DNAJB13: variants seen among roughly 807,000 people sequenced by gnomAD.
The protein encoded by DNAJB13 is dnaJ homolog subfamily B member 13.
DNAJB13 carries 22 observed loss-of-function variants against 35.6 expected under a neutral mutation model. The ratio of observed to expected loss-of-function variants is 0.62; its 90% CI spans 0.44 to 0.88. The LOEUF is 0.88. Ranked by LOEUF, DNAJB13 falls within the 40% of genes least tolerant of loss-of-function variation. DNAJB13 has a pLI of 0.00. For synonymous variants in DNAJB13, 136 were observed against 144.2 expected, an observed-to-expected ratio of 0.94 and a Z score of 0.41; for missense variants, 370 against 384.3, an observed-to-expected ratio of 0.96 and a Z score of 0.31.
At chr11:73,958,120 G>A (rs1470260835) in intron 1 of DNAJB13, among the ~76,000 whole-genome samples, 197 bp from the exon 2 acceptor site, 1 of 152,204 alleles carries the variant, frequency 6.6e-6, no homozygotes, top group South Asian at 2.1e-4. Context: ...GCAGCTGCTG[G>A]AACTGTCGGT....
intron 3 of DNAJB13, 70 bp from the exon 4 acceptor site, chr11:73,964,808 T>A (rs575517781): frequency 4.7e-5 from 34 of 726,580 alleles, no homozygotes; most frequent in African/African-American, 1.3e-4. Context: ...TGTGTGTGTG[T>A]GTGTGCGCGC....
At chr11:73,953,211 G>A (rs936770403) in intron 1 of DNAJB13, among the ~76,000 whole-genome samples, 5 of 152,148 alleles carry the variant, frequency 3.3e-5, no homozygotes, top group Non-Finnish European at 7.3e-5. Context: ...GGGCAACAGA[G>A]CAACACCTGT....
In DNAJB13 at chr11:73,959,630, C is replaced by A. The variant is rs1950868450; in HGVS notation, c.309C>A (p.Phe103Leu). Residue 103 changes from phenylalanine to leucine, a missense_variant, in exon 3 of 8, where the codon TTC becomes TTA. Coordinates refer to ENST00000339764, the MANE Select transcript of DNAJB13 (RefSeq NM_153614.4). The part of the protein sequence containing the change: ...HGKPEKVFHE[F>L]FGGNNPFSEF... ...AACCTGAAAAGGTGTTCCACGAGTT[C>A]TTTGGTGGAAACAACCCCTTCAGTG... 4.3e-6 allele frequency: 7 copies of A among 1,614,144 alleles called. No individual in the cohort carries two copies. Among genetic ancestry groups the A allele is most frequent in the Non-Finnish European group, 5.1e-6 (6 of 1,179,984 alleles).
rs566578156 is a variant in DNAJB13 at position 73,964,987 on chromosome 11, G to T, written c.444G>T (p.Leu148=). The stretch of plus-strand genomic sequence containing the variant: ...TCGAACGGGATCTCTACCTGTCCCT[G>T]GAGGACTTATTCTTTGGCTGCACCA... ...PQVERDLYLS[L]EDLFFGCTKK... is the part of the protein sequence containing the mutation. Residue 148 remains leucine (L), a synonymous_variant, in exon 4 of 8, where the codon CTG becomes CTT. Transcript: ENST00000339764. 5.1e-5 allele frequency: 82 copies of T among 1,608,798 alleles called. No individual in the cohort carries two copies. The South Asian group carries it at 5.4e-4, about 11-fold the overall frequency.
chr11:73,965,852 G>A (rs1565176814), intron 4 of DNAJB13: 2 of 395,334 alleles, frequency 5.1e-6, no homozygotes, highest in Non-Finnish European at 9.4e-6. Flanking sequence ...GTGACTGCTT[G>A]GCATCTCAGC....
At chr11:73,968,653 C>T (rs1228793548) in intron 6 of DNAJB13, among the ~76,000 whole-genome samples, 195 bp downstream of exon 6, 1 of 152,204 alleles carries the variant, frequency 6.6e-6, no homozygotes, top group African/African-American at 2.4e-5. Context: ...CAGATCTGCG[C>T]AGCAGGCCTT....
At chr11:73,961,430 A>C (rs1950929003) in intron 3 of DNAJB13, among the ~76,000 whole-genome samples, 1 of 152,168 alleles carries the variant, frequency 6.6e-6, no homozygotes, top group African/African-American at 2.4e-5. Flanking sequence ...ACAAAGAAGG[A>C]ATCAGGAAAT....
At position 73,970,209 on chromosome 11, in the gene DNAJB13, C is replaced by A. The variant is rs1193936182; in HGVS notation, c.*95C>A. ...TCAGGGTGTGCAGGGGAGCCTGCTG[C>A]ACAGATATGATACAAGGGTGGGATG... On this transcript the variant is annotated 3_prime_UTR_variant, in exon 8 of 8. Transcript: ENST00000339764. 2.8e-6 allele frequency: 4 copies of A among 1,448,608 alleles called. No homozygotes were observed. In the Admixed American group the frequency reaches 9.5e-5, roughly 34 times the overall value. The allele number at this position is 1,448,608 out of a possible 1,614,324, so 89.7% of individuals were successfully genotyped here. A position where few individuals can be genotyped will look rare whatever the true frequency, so the allele number is the denominator to read the frequency against.
At chr11:73,968,152 G>GA in intron 5 of DNAJB13, 193 bp from the exon 6 acceptor site, 1 of 605,956 alleles carries the variant, frequency 1.7e-6, no homozygotes, top group Non-Finnish European at 3.0e-6. Flanking sequence ...ATTCTGGGGG[G>GA]ATTCATTTGG....
intron 4 of DNAJB13, chr11:73,965,639 C>G (rs1465073493): frequency 6.1e-6 from 1 of 164,910 alleles, no homozygotes; most frequent in Non-Finnish European, 1.3e-5. Context: ...TCTGGACATG[C>G]GACTGGGGAG....
intron 5 of DNAJB13, among the ~76,000 whole-genome samples, chr11:73,966,696 T>C (rs1951126298): frequency 6.6e-6 from 1 of 151,884 alleles, no homozygotes; most frequent in South Asian, 2.1e-4. Flanking sequence ...TTATTTTTAT[T>C]TTGAGATGGA....
At position 73,962,459 on chromosome 11, in the gene DNAJB13, G is replaced by A. The variant is rs543314387; in HGVS notation, c.335-2419G>A. ...TGGCTGGGTAAATGAATGGATGGCT[G>A]GGTAGGCGGATGGATGGCTGGGTAG... On this transcript the variant is annotated intron_variant, in intron 3 of 7. Coordinates refer to ENST00000339764, the MANE Select transcript of DNAJB13 (RefSeq NM_153614.4). Among the ~76,000 whole-genome samples the A allele has an allele frequency of 3.8e-3, 562 of 147,530 alleles. 4 individuals are homozygous for A. Among genetic ancestry groups the A allele is most frequent in the African/African-American group, 0.014 (538 of 37,536 alleles).
intron 1 of DNAJB13, among the ~76,000 whole-genome samples, chr11:73,957,120 C>T (rs1020016830): frequency 1.3e-5 from 2 of 152,216 alleles, no homozygotes; most frequent in Non-Finnish European, 2.9e-5. Flanking sequence ...ACTCCCCACC[C>T]TTCCTGCCCT....
Position 73,952,336 on chromosome 11 carries a change from C to A in DNAJB13, c.68+1199C>A, listed in dbSNP as rs1348768494. Among the ~76,000 whole-genome samples the A allele has an allele frequency of 3.9e-5, 6 of 152,196 alleles. No individual in the cohort carries two copies. In the East Asian group the frequency reaches 1.2e-3, roughly 29 times the overall value. On this transcript the variant is annotated intron_variant, in intron 1 of 7. Transcript: ENST00000339764. The stretch of plus-strand genomic sequence containing the variant: ...CTCAATCAATTAAGTTAGGCAGTGA[C>A]AATAGGTGTATGTTTTGAGTGTGTA...
intron 1 of DNAJB13, among the ~76,000 whole-genome samples, chr11:73,951,995 G>A (rs568662428): frequency 6.6e-6 from 1 of 152,260 alleles, no homozygotes; most frequent in South Asian, 2.1e-4. Flanking sequence ...TCTACCACAA[G>A]GGTTGAGAGG....
rs1565178905 is a variant in DNAJB13, at chr11:73,968,332, G to GT, written c.607-12dup. ...CAACTAGTCCTTGTCACCTTTTGGC[G>GT]TCCCCTGCCCAGGGCCCCAACATCA... On this transcript the variant is annotated splice_polypyrimidine_tract_variant and intron_variant, in intron 5 of 7. Coordinates refer to ENST00000339764, the MANE Select transcript of DNAJB13 (RefSeq NM_153614.4). 5.0e-6 allele frequency: 8 copies of GT among 1,613,384 alleles called. No individual in the cohort carries two copies. The Admixed American group carries it at 1.3e-4, about 27-fold the overall frequency.
intron 2 of DNAJB13, 80 bp downstream of exon 2, chr11:73,958,500 G>C (rs548844823): frequency 1.6e-6 from 2 of 1,285,810 alleles, no homozygotes; most frequent in African/African-American, 3.0e-5. Context: ...TTCTGAGGGG[G>C]CCCAATAACG....
intron 3 of DNAJB13, chr11:73,964,616 T>TC: frequency 2.4e-6 from 1 of 423,524 alleles, no homozygotes; most frequent in South Asian, 2.7e-5. Context: ...CAAGGGGAGG[T>TC]GAAGCAGTGG....
chr11:73,969,109 C>T, intron 6 of DNAJB13, 137 bp from the exon 7 acceptor site: 1 of 525,980 alleles, frequency 1.9e-6, no homozygotes, highest in Non-Finnish European at 3.4e-6. Flanking sequence ...GGTCATTCAC[C>T]TATTAGTTAT....
Sources: allele counts gnomAD v4.1 joint callset (sites outside exome capture counted in the v4.1 genomes callset), GRCh38; gene constraint gnomAD v4.1.1; transcripts MANE v1.5; gene names NCBI Gene and HGNC (gene_info 2026-07-23, HGNC 2026-07-21).